Variants in MEGF11 observed in about 807,000 individuals in gnomAD.
MEGF11 encodes the protein multiple EGF like domains 11, also known as multiple epidermal growth factor-like domains protein 11.
In MEGF11, 126 loss-of-function variants were observed where a neutral mutation model predicts 146.6. The ratio of observed to expected loss-of-function variants is 0.86; its 90% CI spans 0.74 to 1.00. MEGF11 has a LOEUF of 1.00. Among genes scored for constraint, MEGF11 ranks in the 50% least tolerant of loss-of-function variants. MEGF11 has a pLI of 0.00. For missense variants in MEGF11, 1,509 were observed against 1,521.2 expected, an observed-to-expected ratio of 0.99 and a Z score of 0.13; for synonymous variants, 532 against 583.4, an observed-to-expected ratio of 0.91 and a Z score of 1.27.
intron 1 of MEGF11, among the ~76,000 whole-genome samples, chr15:66,186,970 G>A (rs139166188): frequency 1.3e-5 from 2 of 152,210 alleles, no homozygotes; most frequent in African/African-American, 2.4e-5. Flanking sequence ...CCTACCAGCT[G>A]TGTGTGGCCT....
At position 65,928,491 on chromosome 15, in the gene MEGF11, CACAGTGTTCACTGCAGTT is replaced by C; in HGVS notation, c.1591_1608del (p.Asn531_Cys536del). The C allele has an allele frequency of 6.2e-7, 1 of 1,606,432 alleles. No individual in the cohort carries two copies. The highest frequency in any genetic ancestry group is 8.5e-7 in the Non-Finnish European group (1 of 1,175,490). On this transcript the variant is annotated inframe_deletion, in exon 13 of 26. Transcript: ENST00000395614. Reference sequence around the variant, plus strand: ...TCACATCCATCAGCATGGCTGCAGTCACAGTGTTCACTGCAGTTCAGCCCAAATGTGCCATCCTGTGGA... The same window carrying C: ...TCACATCCATCAGCATGGCTGCAGTCCAGCCCAAATGTGCCATCCTGTGGA...
chr15:66,190,744 T>C (rs1213868552), intron 1 of MEGF11, among the ~76,000 whole-genome samples: 1 of 151,908 alleles, frequency 6.6e-6, no homozygotes, highest in Non-Finnish European at 1.5e-5. Context: ...CACAGCACAC[T>C]AAGATTCACA....
intron 6 of MEGF11, 91 bp from the exon 7 acceptor site, chr15:65,980,989 C>T: frequency 7.0e-7 from 1 of 1,431,822 alleles, no homozygotes; most frequent in Non-Finnish European, 9.3e-7. Context: ...AATTCCTCCG[C>T]AGTTAATGGA....
Position 66,226,465 on chromosome 15 carries a change from C to T in MEGF11, c.-9+27140G>A, listed in dbSNP as rs547459553. Reference sequence around the variant, plus strand: ...GTTTCACCATGTTGGCCAGTCTGGTCTTGAACTCCTGACCTCAAGGGATTC... The same window carrying T: ...GTTTCACCATGTTGGCCAGTCTGGTTTTGAACTCCTGACCTCAAGGGATTC... On this transcript the variant is annotated intron_variant, in intron 1 of 25. Transcript: ENST00000395614. 1.4e-3 allele frequency among the ~76,000 whole-genome samples: 218 copies of T among 152,184 alleles called. 1 individual carries two copies. The highest frequency in any genetic ancestry group is 5.0e-3 in the African/African-American group (206 of 41,528).
chr15:66,244,010 C>A (rs1231492414), intron 1 of MEGF11, among the ~76,000 whole-genome samples: 1 of 152,180 alleles, frequency 6.6e-6, no homozygotes, highest in Non-Finnish European at 1.5e-5. Context: ...AGGTAGGCAT[C>A]AAGTCGGGGT....
intron 1 of MEGF11, among the ~76,000 whole-genome samples, chr15:66,197,955 T>G (rs2091050735): frequency 6.6e-6 from 1 of 152,230 alleles, no homozygotes; most frequent in Non-Finnish European, 1.5e-5. Context: ...CTGGGCACGC[T>G]GGTGCATGCC....
intron 1 of MEGF11, among the ~76,000 whole-genome samples, chr15:66,157,647 C>A (rs914611122): frequency 6.6e-6 from 1 of 152,218 alleles, no homozygotes; most frequent in Non-Finnish European, 1.5e-5. Context: ...GCAGGACTCC[C>A]AGCCCCCTAG....
chr15:65,975,819 T>G (rs2081426157), intron 7 of MEGF11, among the ~76,000 whole-genome samples: 1 of 152,160 alleles, frequency 6.6e-6, no homozygotes, highest in Non-Finnish European at 1.5e-5. Context: ...TTGAACCAAG[T>G]TGACACCTGA....
At chr15:65,938,289 A>C (rs565068666) in intron 10 of MEGF11, among the ~76,000 whole-genome samples, 4 of 152,376 alleles carry the variant, frequency 2.6e-5, no homozygotes, top group Admixed American at 2.0e-4. Flanking sequence ...TGCAAGGTGA[A>C]CATTCATTTG....
intron 4 of MEGF11, among the ~76,000 whole-genome samples, chr15:66,105,678 G>A (rs77966242): frequency 0.038 from 5,790 of 152,310 alleles, 355 homozygotes; most frequent in African/African-American, 0.13. Context: ...ATGGAGGACT[G>A]AAGGATGTTT....
In MEGF11 at chr15:66,119,089, T is replaced by C. The variant is rs1177661759; in HGVS notation, c.298A>G (p.Ile100Val). ...PGYYESGDFC[I>V]PLCTEECVHG... ...AACAGCAGCAGCCCCTACATACGTA[T>C]GCAGAAGTCTCCGCTCTCATAGTAG... The change falls in exon 4 of 26, where the codon ATA (isoleucine) becomes GTA (valine). Residue 100 changes from isoleucine (I) to valine (V), a missense_variant. Coordinates refer to ENST00000395614, the MANE Select transcript of MEGF11 (RefSeq NM_001385028.1). 7 of 1,549,500 alleles carry C rather than the reference T, an allele frequency of 4.5e-6. No individual in the cohort carries two copies. The Admixed American group carries it at 1.2e-4, about 26-fold the overall frequency.
At chr15:66,232,231 C>T (rs973928320) in intron 1 of MEGF11, among the ~76,000 whole-genome samples, 6 of 152,222 alleles carry the variant, frequency 3.9e-5, no homozygotes, top group Non-Finnish European at 7.3e-5. Flanking sequence ...CCAAGACCTA[C>T]AGGCTGTAGA....
At chr15:65,942,246 G>T (rs1351707427) in intron 10 of MEGF11, among the ~76,000 whole-genome samples, 3 of 152,166 alleles carry the variant, frequency 2.0e-5, no homozygotes, top group African/African-American at 7.2e-5. Flanking sequence ...CAACGTGCCA[G>T]GCTTGCTACC....
intron 5 of MEGF11, among the ~76,000 whole-genome samples, chr15:66,057,795 A>G (rs1310262149): frequency 6.6e-6 from 1 of 152,182 alleles, no homozygotes; most frequent in Non-Finnish European, 1.5e-5. Flanking sequence ...ACAAACTAGG[A>G]TTCAAAAGAT....
At chr15:65,986,066 C>T (rs2141717813) in intron 5 of MEGF11, among the ~76,000 whole-genome samples, 1 of 152,070 alleles carries the variant, frequency 6.6e-6, no homozygotes, top group Non-Finnish European at 1.5e-5. Context: ...ATTCTCCTGC[C>T]TCAGCCTCCC....
intron 4 of MEGF11, among the ~76,000 whole-genome samples, chr15:66,098,709 G>A (rs1199213076): frequency 6.6e-6 from 1 of 152,160 alleles, no homozygotes; most frequent in Non-Finnish European, 1.5e-5. Flanking sequence ...GCTGTCATTG[G>A]ATTCAGCTTG....
Position 66,038,345 on chromosome 15 carries a change from T to G in MEGF11, c.395-55857A>C, listed in dbSNP as rs773469039. ...TGGTTTTGCTATTTGACCATGGGCATGTCACTTCCCTGCCTGCCTCTGAGC... is the reference window on the plus strand; with the variant it reads ...TGGTTTTGCTATTTGACCATGGGCAGGTCACTTCCCTGCCTGCCTCTGAGC... On this transcript the variant is annotated intron_variant, in intron 5 of 25. Transcript: ENST00000395614. 3.1e-4 allele frequency among the ~76,000 whole-genome samples: 47 copies of G among 152,158 alleles called. 1 individual carries two copies. Among genetic ancestry groups the G allele is most frequent in the Non-Finnish European group, 4.6e-4 (31 of 68,030 alleles).
chr15:65,965,592 C>CTTT (rs1567179999), intron 8 of MEGF11, among the ~76,000 whole-genome samples: 4 of 16,534 alleles, frequency 2.4e-4, no homozygotes, highest in African/African-American at 5.1e-4. Flanking sequence ...TTCTTTCTTT[C>CTTT]TTTCTTTCTT....
chr15:66,246,154 G>A (rs1291793239), intron 1 of MEGF11, among the ~76,000 whole-genome samples: 1 of 152,194 alleles, frequency 6.6e-6, no homozygotes, highest in African/African-American at 2.4e-5. Flanking sequence ...CTACTCAGAA[G>A]GCTGAGGCAC....
Sources: gnomAD v4.1 joint callset for allele counts (sites outside exome capture counted in the v4.1 genomes callset) on GRCh38, gnomAD v4.1.1 for gene constraint, MANE v1.5 for transcripts, NCBI Gene and HGNC (gene_info 2026-07-23, HGNC 2026-07-21) for gene names.